The following PHYHIP variants were observed in gnomAD, a reference collection of about 807,000 sequenced individuals.
The protein encoded by PHYHIP is phytanoyl-CoA 2-hydroxylase interacting protein, also known as phytanoyl-CoA hydroxylase-interacting protein.
Under a neutral mutation model 26.1 loss-of-function variants are expected in PHYHIP, and 7 were observed. That is an observed-to-expected ratio of 0.27 (90% CI 0.15 to 0.50). The LOEUF (loss-of-function observed/expected upper bound fraction) is 0.50. Among genes scored for constraint, PHYHIP ranks in the 20% least tolerant of loss-of-function variants. The probability of loss-of-function intolerance (pLI) is 0.98; values close to 1 mark genes in which losing one functional copy is unlikely to be tolerated. For synonymous variants in PHYHIP, 206 were observed against 183.4 expected (o/e 1.12, Z -1.00); for missense variants, 232 against 454.7 (o/e 0.51, Z 4.45).
At chr8:22,227,389 T>C (rs1256680505) in intron 2 of PHYHIP, among the ~76,000 whole-genome samples, 3 of 151,766 alleles carry the variant, frequency 2.0e-5, no homozygotes, top group Non-Finnish European at 4.4e-5. Flanking sequence ...GAAGGGAAAA[T>C]ATGCCTTATT....
intron 1 of PHYHIP, among the ~76,000 whole-genome samples, chr8:22,229,806 C>T (rs1461665185): frequency 6.6e-6 from 1 of 152,210 alleles, no homozygotes; most frequent in African/African-American, 2.4e-5. Context: ...TTATAGCTTC[C>T]AGAGGATCCA....
At chr8:22,227,117 G>A in intron 2 of PHYHIP, 92 bp from the exon 3 acceptor site, 1 of 1,157,600 alleles carries the variant, frequency 8.6e-7, no homozygotes, top group African/African-American at 1.5e-5. Context: ...TCCCCAGATG[G>A]CCCTGTTTCT....
At chr8:22,227,636 G>A (rs377461844) in intron 2 of PHYHIP, 3 of 456,438 alleles carry the variant, frequency 6.6e-6, no homozygotes, top group East Asian at 1.4e-4. Flanking sequence ...TTAACCCCAG[G>A]AAAGGACACA....
At chr8:22,226,618 G>C (rs1463693771) in intron 3 of PHYHIP, among the ~76,000 whole-genome samples, 1 of 152,144 alleles carries the variant, frequency 6.6e-6, no homozygotes, top group African/African-American at 2.4e-5. Flanking sequence ...AAGTGGTCTT[G>C]CCAGCGTGAT....
chr8:22,231,702 G>C (rs770762688), intron 1 of PHYHIP, 94 bp downstream of exon 1: 2 of 152,384 alleles, frequency 1.3e-5, no homozygotes, highest in Non-Finnish European at 2.9e-5. Flanking sequence ...GGCAGTCCAG[G>C]TGGGCACCCT....
chr8:22,221,918 A>G lies in PHYHIP; in HGVS notation c.459-31T>C. 1 of 1,469,062 alleles carries G rather than the reference A, an allele frequency of 6.8e-7. No homozygotes were observed. The highest frequency in any genetic ancestry group is 9.0e-7 in the Non-Finnish European group (1 of 1,107,568). 91.0% of individuals were successfully genotyped at this position (1,469,062 alleles called of 1,614,324 possible). On this transcript the variant is annotated intron_variant, in intron 4 of 4. Transcript: ENST00000454243. The surrounding 1 kb of genome is among the most constrained non-coding windows in gnomAD (Gnocchi z 7.9). ...CACCCCAGGGAGACACACCAAAGGG[A>G]AGAGAAGATGTGGCTGGTGAGCCGG...
At chr8:22,229,460 A>G (rs142631087) in intron 1 of PHYHIP, among the ~76,000 whole-genome samples, 1,886 of 152,144 alleles carry the variant, frequency 0.012, 19 homozygotes, top group Middle Eastern at 0.061. Context: ...TCGTCCAGGT[A>G]TGAGAGGACC....
chr8:22,229,770 G>A (rs986580694), intron 1 of PHYHIP, among the ~76,000 whole-genome samples: 5 of 152,150 alleles, frequency 3.3e-5, no homozygotes, highest in Non-Finnish European at 7.3e-5. Context: ...AGGGCATCTT[G>A]TGCCTGCAAA....
chr8:22,228,131 C>A, intron 2 of PHYHIP, 62 bp downstream of exon 2: 1 of 1,399,606 alleles, frequency 7.1e-7, no homozygotes, highest in South Asian at 1.2e-5. Flanking sequence ...CAGGTGTTCC[C>A]TTATCCGGCC....
In PHYHIP at chr8:22,228,384, G is replaced by C; in HGVS notation, c.-27C>G. ...CTCCCGTCAGGGTTGTCTCCTGTGGGGACTGAGGAGGAGGGAAAGGGTCAG... is the reference window on the plus strand; with the variant it reads ...CTCCCGTCAGGGTTGTCTCCTGTGGCGACTGAGGAGGAGGGAAAGGGTCAG... On this transcript the variant is annotated splice_region_variant and 5_prime_UTR_variant, in exon 2 of 5. Coordinates refer to ENST00000454243, the MANE Select transcript of PHYHIP (RefSeq NM_014759.5). The C allele has an allele frequency of 6.4e-7, 1 of 1,552,268 alleles. No homozygotes were observed. Among genetic ancestry groups the C allele is most frequent in the East Asian group, 2.4e-5 (1 of 42,266 alleles).
intron 1 of PHYHIP, 60 bp from the exon 2 acceptor site, chr8:22,228,446 CT>C: frequency 4.1e-6 from 4 of 966,130 alleles, no homozygotes; most frequent in Non-Finnish European, 6.3e-6. Context: ...CTGGAATGTC[CT>C]CCTCCCAATA....
At chr8:22,231,529 A>AGGGAATGGGCATG (rs1202677367) in intron 1 of PHYHIP, among the ~76,000 whole-genome samples, 1 of 152,180 alleles carries the variant, frequency 6.6e-6, no homozygotes, top group African/African-American at 2.4e-5. Flanking sequence ...ACCCTGCCAC[A>AGGGAATGGGCATG]GGGAATGCTT....
At chr8:22,229,662 C>T (rs896843714) in intron 1 of PHYHIP, among the ~76,000 whole-genome samples, 2 of 152,198 alleles carry the variant, frequency 1.3e-5, no homozygotes, top group Non-Finnish European at 2.9e-5. Context: ...ATCCCTTCCT[C>T]CAGCCCAGTT....
At chr8:22,224,157 G>C in intron 4 of PHYHIP, 69 bp downstream of exon 4, 1 of 938,958 alleles carries the variant, frequency 1.1e-6, no homozygotes, top group Non-Finnish European at 1.7e-6. Context: ...CAGACAGCCA[G>C]GACAGGAGCA....
intron 4 of PHYHIP, 35 bp downstream of exon 4, chr8:22,224,191 G>C (rs1348778188): frequency 1.6e-6 from 2 of 1,234,932 alleles, no homozygotes; most frequent in Non-Finnish European, 2.4e-6. Flanking sequence ...GGGAGGAGAG[G>C]CCCGGCGGGT....
intron 2 of PHYHIP, 112 bp downstream of exon 2, chr8:22,228,081 T>G: frequency 1.2e-6 from 1 of 834,950 alleles, no homozygotes; most frequent in Non-Finnish European, 2.0e-6. Context: ...GGAAGAAGAG[T>G]GTGGATTTTA....
chr8:22,226,711 T>G, intron 3 of PHYHIP, 140 bp downstream of exon 3: 1 of 733,500 alleles, frequency 1.4e-6, no homozygotes, highest in Non-Finnish European at 2.1e-6. Context: ...CCCGTGCATC[T>G]CCCCTGTGGC....
At chr8:22,222,696 T>C (rs1048646910) in intron 4 of PHYHIP, among the ~76,000 whole-genome samples, 12 of 152,188 alleles carry the variant, frequency 7.9e-5, no homozygotes, top group Admixed American at 1.3e-4. Flanking sequence ...TGGCACCAAG[T>C]AAGGTGCCTG....
At chr8:22,231,459 G>A (rs1466615906) in intron 1 of PHYHIP, among the ~76,000 whole-genome samples, 2 of 152,186 alleles carry the variant, frequency 1.3e-5, no homozygotes, top group African/African-American at 4.8e-5. Flanking sequence ...CAACTCGCGA[G>A]CGCGCACACA....
Sources: gnomAD v4.1 joint callset for allele counts (sites outside exome capture counted in the v4.1 genomes callset) on GRCh38, gnomAD v4.1.1 for gene constraint, Gnocchi (gnomAD v3.1) non-coding constraint, MANE v1.5 for transcripts, NCBI Gene and HGNC (gene_info 2026-07-23, HGNC 2026-07-21) for gene names.